The following C19orf25 variants were observed in gnomAD, a reference collection of about 807,000 sequenced individuals.
The protein encoded by C19orf25 is UPF0449 protein C19orf25.
Under a neutral mutation model 3.1 loss-of-function variants are expected in C19orf25, and 1 was observed. The observed-to-expected ratio is 0.32, with a 90% CI of 0.12 to 1.54. The LOEUF is 1.54. Ranked by LOEUF, C19orf25 falls within the 40% of genes most tolerant of loss-of-function variation. The probability of loss-of-function intolerance (pLI) is 0.38; values close to 1 mark genes in which losing one functional copy is unlikely to be tolerated. For synonymous variants in C19orf25, 91 were observed against 74.3 expected, an observed-to-expected ratio of 1.23 and a Z score of -1.16; for missense variants, 196 against 160.4, an observed-to-expected ratio of 1.22 and a Z score of -1.20.
At chr19:1,478,935 G>C in intron 1 of C19orf25, 30 bp from the exon 2 acceptor site, 1 of 1,564,482 alleles carries the variant, frequency 6.4e-7, no homozygotes, top group South Asian at 1.2e-5. Flanking sequence ...CGCTGACCGG[G>C]GCGTCCACCT....
intron 2 of C19orf25, among the ~76,000 whole-genome samples, chr19:1,477,039 A>AC (rs1164946440): frequency 6.7e-6 from 1 of 148,248 alleles, no homozygotes; most frequent in African/African-American, 2.5e-5. Flanking sequence ...TTGCTCTGTC[A>AC]CCCAGGCTGG....
chr19:1,478,111 A>G (rs1342031365), intron 2 of C19orf25, among the ~76,000 whole-genome samples: 1 of 151,582 alleles, frequency 6.6e-6, no homozygotes, highest in Non-Finnish European at 1.5e-5. Flanking sequence ...AAGTGCTGGG[A>G]TTATAGGCGT....
intron 2 of C19orf25, chr19:1,478,348 C>A (rs1430737049): frequency 1.0e-5 from 3 of 289,484 alleles, no homozygotes; most frequent in Non-Finnish European, 1.9e-5. Context: ...TCAAGCGATT[C>A]TCCTGCCTCA....
At chr19:1,478,119 C>G (rs2084224441) in intron 2 of C19orf25, among the ~76,000 whole-genome samples, 1 of 152,162 alleles carries the variant, frequency 6.6e-6, no homozygotes, top group African/African-American at 2.4e-5. Flanking sequence ...GGATTATAGG[C>G]GTGAGCCACC....
At chr19:1,479,024 G>GGACCCCCC in intron 1 of C19orf25, 119 bp from the exon 2 acceptor site, 1 of 930,534 alleles carries the variant, frequency 1.1e-6, no homozygotes, top group Non-Finnish European at 1.5e-6. Flanking sequence ...GGGGAAGCCC[G>GGACCCCCC]CCCTGTCCCG....
At chr19:1,478,566 G>A in intron 2 of C19orf25, 2 of 1,372,224 alleles carry the variant, frequency 1.5e-6, no homozygotes, top group Non-Finnish European at 1.9e-6. Context: ...GAACCACAGC[G>A]CCCGGCCTCC....
At position 1,474,969 on chromosome 19, in the gene C19orf25, C is replaced by A; in HGVS notation, c.*63G>T. 1 of 1,533,504 alleles carries A rather than the reference C, an allele frequency of 6.5e-7. No individual in the cohort carries two copies. 95.0% of individuals were successfully genotyped at this position (1,533,504 alleles called of 1,614,324 possible). On this transcript the variant is annotated 3_prime_UTR_variant, in exon 3 of 3. Coordinates refer to ENST00000585675, the MANE Select transcript of C19orf25 (RefSeq NM_152482.3). ...GAATGCCAGTCTGGGGCCGACGGAC[C>A]CCCAGGGAAAGCCTGGGTGCAGGCC... is the stretch of plus-strand genomic sequence containing the variant.
At chr19:1,475,378 G>A (rs1291731730) in intron 2 of C19orf25, 120 bp from the exon 3 acceptor site, 1 of 1,053,368 alleles carries the variant, frequency 9.5e-7, no homozygotes, top group South Asian at 1.7e-5. Context: ...GCCAGCCGGG[G>A]TCTTCTTAAC....
intron 2 of C19orf25, chr19:1,476,465 C>A: frequency 2.5e-6 from 1 of 394,770 alleles, no homozygotes; most frequent in Non-Finnish European, 4.5e-6. Flanking sequence ...CCAGCACCCT[C>A]AGGTGACCGA....
Position 1,476,576 on chromosome 19 carries a change from C to G in C19orf25, c.131-1318G>C, listed in dbSNP as rs1005614070. 5.6e-5 allele frequency: 19 copies of G among 336,604 alleles called. No homozygotes were observed. The Admixed American group carries it at 8.2e-4, about 15-fold the overall frequency. 20.9% of individuals were successfully genotyped at this position (336,604 alleles called of 1,614,324 possible). A position where few individuals can be genotyped will look rare whatever the true frequency, so the allele number is the denominator to read the frequency against. ...CACCTCCCACCGATGCTGGTCCACA[C>G]CAGCCACCAGCCATGTGTGGCTCCT... On this transcript the variant is annotated intron_variant, in intron 2 of 2. Coordinates refer to ENST00000585675, the MANE Select transcript of C19orf25 (RefSeq NM_152482.3).
At position 1,478,814 on chromosome 19, in the gene C19orf25, C is replaced by T. The variant is rs1182345481; in HGVS notation, c.90G>A (p.Ala30=). The change falls in exon 2 of 3, where the codon GCG becomes GCA. Residue 30 remains alanine (A), a synonymous_variant. Coordinates refer to ENST00000585675, the MANE Select transcript of C19orf25 (RefSeq NM_152482.3). The part of the protein sequence containing the change: ...VEQILEDVRG[A]PAEDPVFTIL... ...TGGTGAACACTGGATCCTCTGCCGG[C>T]GCACCCCGCACATCCTCCAGGATCT... 6.3e-7 allele frequency: 1 copy of T among 1,587,534 alleles called. No homozygotes were observed. Among genetic ancestry groups the T allele is most frequent in the Non-Finnish European group, 8.6e-7 (1 of 1,167,970 alleles).
intron 2 of C19orf25, among the ~76,000 whole-genome samples, chr19:1,478,054 G>A (rs1479375460): frequency 1.3e-5 from 2 of 152,090 alleles, no homozygotes; most frequent in Non-Finnish European, 2.9e-5. Flanking sequence ...TGGCCAGGCT[G>A]GTGTCCAACC....
At chr19:1,476,352 C>G in intron 2 of C19orf25, 1 of 398,454 alleles carries the variant, frequency 2.5e-6, no homozygotes, top group Non-Finnish European at 4.4e-6. Flanking sequence ...GCACAGGAGG[C>G]CCCCTACCTT....
At position 1,474,724 on chromosome 19, in the gene C19orf25, C is replaced by G. The variant is rs2084184808; in HGVS notation, c.*308G>C. ...GGAGGTGGCACCTGCTCCCAGGGGC[C>G]CCACTGCAGAGCACGGCCACTGTGA... On this transcript the variant is annotated 3_prime_UTR_variant, in exon 3 of 3. Transcript: ENST00000585675. 1 of 1,336,468 alleles carries G rather than the reference C, an allele frequency of 7.5e-7. No individual in the cohort carries two copies. The highest frequency in any genetic ancestry group is 1.5e-5 in the African/African-American group (1 of 67,724). The allele number at this position is 1,336,468 out of a possible 1,614,324, so 82.8% of individuals were successfully genotyped here. A position where few individuals can be genotyped will look rare whatever the true frequency, so the allele number is the denominator to read the frequency against.
intron 2 of C19orf25, among the ~76,000 whole-genome samples, chr19:1,476,644 TTC>T (rs1186128955): frequency 1.3e-5 from 2 of 152,156 alleles, no homozygotes; most frequent in Non-Finnish European, 1.5e-5. Context: ...AACTCAATTT[TTC>T]TCTTTTTTTC....
intron 2 of C19orf25, among the ~76,000 whole-genome samples, chr19:1,477,601 T>A (rs1278550686): frequency 6.6e-6 from 1 of 152,222 alleles, no homozygotes; most frequent in East Asian, 1.9e-4. Flanking sequence ...CCTTCTGGTG[T>A]GAGAGCAGCC....
At position 1,475,784 on chromosome 19, in the gene C19orf25, C is replaced by G. The variant is rs190260345; in HGVS notation, c.131-526G>C. 8.1e-3 allele frequency: 1,532 copies of G among 190,018 alleles called. 56 individuals are homozygous for G. Among genetic ancestry groups the G allele is most frequent in the Admixed American group, 0.054 (916 of 17,030 alleles). 11.8% of individuals were successfully genotyped at this position (190,018 alleles called of 1,614,324 possible). A position where few individuals can be genotyped will look rare whatever the true frequency, so the allele number is the denominator to read the frequency against. On this transcript the variant is annotated intron_variant, in intron 2 of 2. Coordinates refer to ENST00000585675, the MANE Select transcript of C19orf25 (RefSeq NM_152482.3). Reference sequence around the variant, plus strand: ...TGGGTGGCAGGAGGGGCTTCCAGCTCTAGGCTACCCGCCTTAGCAAAGCGT... The same window carrying G: ...TGGGTGGCAGGAGGGGCTTCCAGCTGTAGGCTACCCGCCTTAGCAAAGCGT...
At chr19:1,478,126 C>T (rs2084224559) in intron 2 of C19orf25, among the ~76,000 whole-genome samples, 1 of 152,168 alleles carries the variant, frequency 6.6e-6, no homozygotes, top group Non-Finnish European at 1.5e-5. Context: ...AGGCGTGAGC[C>T]ACCGCACCGG....
intron 2 of C19orf25, among the ~76,000 whole-genome samples, chr19:1,476,651 T>C (rs1440816687): frequency 6.6e-6 from 1 of 152,170 alleles, no homozygotes; most frequent in Non-Finnish European, 1.5e-5. Context: ...TTTTTCTCTT[T>C]TTTTCTTTTT....
Sources: allele counts gnomAD v4.1 joint callset (sites outside exome capture counted in the v4.1 genomes callset), GRCh38; gene constraint gnomAD v4.1.1; transcripts MANE v1.5; gene names NCBI Gene and HGNC (gene_info 2026-07-23, HGNC 2026-07-21).